The following ZNF827 variants were observed in gnomAD, a reference collection of about 807,000 sequenced individuals.
ZNF827 encodes the protein zinc finger protein 827.
ZNF827 carries 13 observed loss-of-function variants against 102.4 expected under a neutral mutation model. The ratio of observed to expected loss-of-function variants is 0.13; its 90% CI spans 0.08 to 0.20. The LOEUF (loss-of-function observed/expected upper bound fraction) is 0.20. ZNF827 is among the 10% of genes least tolerant of loss of function. The pLI, the probability that ZNF827 is intolerant of heterozygous loss-of-function variation, is 1.00. For synonymous variants in ZNF827, 523 were observed against 536.2 expected (o/e 0.98, Z 0.34); for missense variants, 1,103 against 1,344.4 (o/e 0.82, Z 2.81).
chr4:145,888,729 C>A (rs1750341569), intron 3 of ZNF827, among the ~76,000 whole-genome samples: 1 of 152,218 alleles, frequency 6.6e-6, no homozygotes, highest in African/African-American at 2.4e-5. Flanking sequence ...TCTTAGCAGT[C>A]TTCCTCACCT....
Position 145,775,971 on chromosome 4 carries a change from AG to A in ZNF827, c.2522-12del. On this transcript the variant is annotated splice_polypyrimidine_tract_variant and intron_variant, in intron 9 of 14. Coordinates refer to ENST00000508784, the MANE Select transcript of ZNF827 (RefSeq NM_001306215.2). ...TGTATTTTCTTTCCTCTGGGGGAGA[AG>A]GAACAGGAAAAAGCCCAAATCGCTT... is the stretch of plus-strand genomic sequence containing the variant. 1 of 1,614,168 alleles carries A rather than the reference AG, an allele frequency of 6.2e-7. No homozygotes were observed. Among genetic ancestry groups the A allele is most frequent in the Non-Finnish European group, 8.5e-7 (1 of 1,180,014 alleles).
chr4:145,780,565 T>C (rs1737818273), intron 8 of ZNF827, among the ~76,000 whole-genome samples: 1 of 152,254 alleles, frequency 6.6e-6, no homozygotes, highest in African/African-American at 2.4e-5. Context: ...TTCTCATTCT[T>C]ATCCCTAGGA....
intron 1 of ZNF827, among the ~76,000 whole-genome samples, chr4:145,930,809 AG>A (rs1378570388): frequency 6.6e-6 from 1 of 152,190 alleles, no homozygotes. Flanking sequence ...TTATAAAATT[AG>A]CTACAGTGCA....
At chr4:145,833,339 C>T (rs1744447265) in intron 7 of ZNF827, among the ~76,000 whole-genome samples, 1 of 152,170 alleles carries the variant, frequency 6.6e-6, no homozygotes, top group Non-Finnish European at 1.5e-5. Flanking sequence ...GCGCCAGTCA[C>T]GGACTGGGAA....
intron 8 of ZNF827, among the ~76,000 whole-genome samples, chr4:145,780,646 G>A (rs1445658284): frequency 6.6e-6 from 1 of 152,090 alleles, no homozygotes; most frequent in Non-Finnish European, 1.5e-5. Flanking sequence ...TTCCTCCTAT[G>A]ATAATGTCAT....
chr4:145,858,727 C>G (rs547187136), intron 5 of ZNF827, among the ~76,000 whole-genome samples: 2 of 151,894 alleles, frequency 1.3e-5, no homozygotes, highest in East Asian at 3.9e-4. Flanking sequence ...AAAAAATTAC[C>G]AAAAAGCAAA....
chr4:145,764,665 G>A, intron 13 of ZNF827: 1 of 334,378 alleles, frequency 3.0e-6, no homozygotes, highest in Non-Finnish European at 5.6e-6. Flanking sequence ...ACTAAGCCCT[G>A]AGTCCATTAA....
intron 5 of ZNF827, among the ~76,000 whole-genome samples, chr4:145,853,437 G>C (rs1324441898): frequency 6.6e-6 from 1 of 152,152 alleles, no homozygotes; most frequent in Non-Finnish European, 1.5e-5. Context: ...TATCGTTGCT[G>C]TTGGTGTGGT....
intron 1 of ZNF827, among the ~76,000 whole-genome samples, chr4:145,916,236 A>C (rs1346092941): frequency 1.3e-5 from 2 of 152,208 alleles, no homozygotes; most frequent in African/African-American, 4.8e-5. Flanking sequence ...CTGGGCCCCC[A>C]GGCGGTCGTG....
At chr4:145,837,677 G>C (rs932391252) in intron 7 of ZNF827, among the ~76,000 whole-genome samples, 2 of 152,064 alleles carry the variant, frequency 1.3e-5, no homozygotes, top group African/African-American at 4.8e-5. Context: ...TTGCTGGCAG[G>C]ACTATGCCGA....
chr4:145,893,020 AG>A (rs910031927), intron 2 of ZNF827, among the ~76,000 whole-genome samples: 1 of 152,198 alleles, frequency 6.6e-6, no homozygotes, highest in African/African-American at 2.4e-5. Flanking sequence ...TTTAGCCATC[AG>A]GGGGTCTTAA....
At chr4:145,805,125 T>TTG (rs35536912) in intron 8 of ZNF827, among the ~76,000 whole-genome samples, 13,595 of 148,248 alleles carry the variant, frequency 0.092, 636 homozygotes, top group South Asian at 0.15. Context: ...GCAATTCCTT[T>TTG]TGTGTGTGTG....
chr4:145,792,964 T>G (rs1739917364), intron 8 of ZNF827, among the ~76,000 whole-genome samples: 1 of 152,082 alleles, frequency 6.6e-6, no homozygotes, highest in African/African-American at 2.4e-5. Context: ...CCTGTTACTG[T>G]AGGTTGTTTG....
rs372252292 is a variant in ZNF827, at chr4:145,765,207, G to A, written c.3053-42C>T. Reference sequence around the variant, plus strand: ...TGGGTATAGAGGTGCACAGGGCAGCGGGGAGAGGAGGGCAGGAGTGGAGCC... The same window carrying A: ...TGGGTATAGAGGTGCACAGGGCAGCAGGGAGAGGAGGGCAGGAGTGGAGCC... On this transcript the variant is annotated intron_variant, in intron 12 of 14. Transcript: ENST00000508784. The surrounding 1 kb of genome is among the most constrained non-coding windows in gnomAD (Gnocchi z 4.7). 4.0e-4 allele frequency: 616 copies of A among 1,538,734 alleles called. No individual in the cohort carries two copies. Among genetic ancestry groups the A allele is most frequent in the Middle Eastern group, 3.5e-3 (17 of 4,812 alleles).
rs1455848538 is a variant in ZNF827 at position 145,762,088 on chromosome 4, G to A, written c.*18-490C>T. Among the ~76,000 whole-genome samples the A allele has an allele frequency of 6.6e-6, 1 of 152,134 alleles. No individual in the cohort carries two copies. Among genetic ancestry groups the A allele is most frequent in the Admixed American group, 6.5e-5 (1 of 15,274 alleles). ...AGAGGTTTTAAAGAACAGCTTATAG[G>A]GGGAGCGCTACCTCCAGCAAACAGA... On this transcript the variant is annotated intron_variant, in intron 14 of 14. Transcript: ENST00000508784. The surrounding 1 kb of genome is among the most constrained non-coding windows in gnomAD (Gnocchi z 4.9).
intron 2 of ZNF827, among the ~76,000 whole-genome samples, chr4:145,897,714 A>C (rs1287784017): frequency 6.6e-6 from 1 of 152,240 alleles, no homozygotes; most frequent in Non-Finnish European, 1.5e-5. Flanking sequence ...GTAAATATTC[A>C]GAGAAGTCTG....
intron 2 of ZNF827, among the ~76,000 whole-genome samples, chr4:145,901,132 A>AATT (rs1415830857): frequency 2.0e-5 from 3 of 152,204 alleles, no homozygotes; most frequent in African/African-American, 7.2e-5. Context: ...TCGTTCCGTC[A>AATT]ATTATTTGCC....
At position 145,842,727 on chromosome 4, in the gene ZNF827, T is replaced by A. The variant is rs116327513; in HGVS notation, c.2279+3229A>T. ...ATGAGAAAGGCAAGGGAAGGTTTGA[T>A]CTCAGTGCTGTGCTCAGGCCTGCCC... On this transcript the variant is annotated intron_variant, in intron 7 of 14. Coordinates refer to ENST00000508784, the MANE Select transcript of ZNF827 (RefSeq NM_001306215.2). Among the ~76,000 whole-genome samples, 1,169 of 152,296 alleles carry A rather than the reference T, an allele frequency of 7.7e-3. 15 individuals carry two copies. The highest frequency in any genetic ancestry group is 0.026 in the African/African-American group (1,074 of 41,554).
At chr4:145,909,126 G>T (rs1327840356) in intron 1 of ZNF827, among the ~76,000 whole-genome samples, 4 of 152,148 alleles carry the variant, frequency 2.6e-5, no homozygotes, top group Non-Finnish European at 4.4e-5. Flanking sequence ...CTATTGATTT[G>T]TCAAAGGTAG....
Sources: allele counts gnomAD v4.1 joint callset (sites outside exome capture counted in the v4.1 genomes callset), GRCh38; gene constraint gnomAD v4.1.1; non-coding constraint Gnocchi (gnomAD v3.1); transcripts MANE v1.5; gene names NCBI Gene and HGNC (gene_info 2026-07-23, HGNC 2026-07-21).